The following SAMD4B variants were observed in gnomAD, a reference collection of about 807,000 sequenced individuals.
SAMD4B encodes the protein protein Smaug homolog 2.
Under a neutral mutation model 74.5 loss-of-function variants are expected in SAMD4B, and 5 were observed. The observed-to-expected ratio is 0.07, with a 90% CI of 0.04 to 0.14. The LOEUF (loss-of-function observed/expected upper bound fraction) is 0.14. Among genes scored for constraint, SAMD4B ranks in the 10% least tolerant of loss-of-function variants. The pLI is 1.00. For missense variants in SAMD4B, 608 were observed against 921.8 expected, an observed-to-expected ratio of 0.66 and a Z score of 4.41; for synonymous variants, 373 against 374.9, an observed-to-expected ratio of 1.00 and a Z score of 0.06.
intron 3 of SAMD4B, among the ~76,000 whole-genome samples, chr19:39,364,589 G>A (rs2076845611): frequency 1.3e-5 from 2 of 152,194 alleles, no homozygotes; most frequent in South Asian, 4.2e-4. Context: ...TTGACTTTCT[G>A]TCCCTAATGG....
chr19:39,356,616 C>G (rs1193287116), intron 2 of SAMD4B, 73 bp from the exon 3 acceptor site: 4 of 305,236 alleles, frequency 1.3e-5, no homozygotes, highest in Non-Finnish European at 2.4e-5. Context: ...GGCCTTCATG[C>G]CCCCTCAACC....
chr19:39,370,192 G>C (rs2077203332), intron 4 of SAMD4B, 67 bp downstream of exon 4: 1 of 1,414,068 alleles, frequency 7.1e-7, no homozygotes, highest in Admixed American at 2.0e-5. Flanking sequence ...CTCAGTGAGA[G>C]CTCTCTCGCT....
At chr19:39,381,164 C>T in intron 12 of SAMD4B, 51 bp downstream of exon 12, 1 of 1,528,542 alleles carries the variant, frequency 6.5e-7, no homozygotes, top group Non-Finnish European at 8.8e-7. Flanking sequence ...CTCAGCTGAC[C>T]TTTCTTTTTT....
chr19:39,381,196 G>A, intron 12 of SAMD4B, 83 bp downstream of exon 12: 1 of 1,478,940 alleles, frequency 6.8e-7, no homozygotes, highest in Non-Finnish European at 9.1e-7. Flanking sequence ...CATGTCCACT[G>A]TTCTTCTAGA....
chr19:39,378,356 A>C lies in SAMD4B; in HGVS notation c.1445-148A>C. On this transcript the variant is annotated intron_variant, in intron 8 of 13. Coordinates refer to ENST00000610417, the MANE Select transcript of SAMD4B (RefSeq NM_001384574.2). This position sits in a 1 kb window ranked among gnomAD's most constrained non-coding sequence, Gnocchi z 4.4. Reference sequence around the variant, plus strand: ...GCACTATGTTGTATATCCTCATGATAACCCAAATACCATGGCTAGCACTTA... The same window carrying C: ...GCACTATGTTGTATATCCTCATGATCACCCAAATACCATGGCTAGCACTTA... 1 of 646,346 alleles carries C rather than the reference A, an allele frequency of 1.5e-6. No individual in the cohort carries two copies. The highest frequency in any genetic ancestry group is 1.9e-5 in the South Asian group (1 of 53,300). 40.0% of individuals were successfully genotyped at this position (646,346 alleles called of 1,614,324 possible). A position where few individuals can be genotyped will look rare whatever the true frequency, so the allele number is the denominator to read the frequency against.
At position 39,344,479 on chromosome 19, in the gene SAMD4B, C is replaced by T. The variant is rs140169085; in HGVS notation, c.-267+1903C>T. Reference sequence around the variant, plus strand: ...AATTTTCTCCCAAATTGCCCTCCATCAGCCACCCACTCCCAGCGCTTCCTG... The same window carrying T: ...AATTTTCTCCCAAATTGCCCTCCATTAGCCACCCACTCCCAGCGCTTCCTG... On this transcript the variant is annotated intron_variant, in intron 1 of 13. Coordinates refer to ENST00000610417, the MANE Select transcript of SAMD4B (RefSeq NM_001384574.2). 2.6e-3 allele frequency among the ~76,000 whole-genome samples: 398 copies of T among 152,318 alleles called. 3 individuals are homozygous for T. The highest frequency in any genetic ancestry group is 9.3e-3 in the African/African-American group (385 of 41,570).
At chr19:39,380,845 G>A in intron 11 of SAMD4B, 60 bp downstream of exon 11, 3 of 1,507,766 alleles carry the variant, frequency 2.0e-6, no homozygotes, top group Non-Finnish European at 2.7e-6. Context: ...TACCTGGGAT[G>A]TCTATTTGCC....
intron 1 of SAMD4B, among the ~76,000 whole-genome samples, chr19:39,352,720 A>T (rs1317897423): frequency 1.3e-5 from 2 of 151,096 alleles, no homozygotes; most frequent in Non-Finnish European, 2.9e-5. Flanking sequence ...CTGGGGGGAA[A>T]AGCTGGATTA....
In SAMD4B at chr19:39,342,504, C is replaced by G; in HGVS notation, c.-339C>G. On this transcript the variant is annotated 5_prime_UTR_variant, in exon 1 of 14. Transcript: ENST00000610417. ...GAGGAGGGAGGGGAGCTTGCGGGCC[C>G]GAGAGGGGGCGACGGCGGCGGCGGT... 5.7e-6 allele frequency: 1 copy of G among 173,932 alleles called. No homozygotes were observed. The highest frequency in any genetic ancestry group is 1.2e-5 in the Non-Finnish European group (1 of 85,096). The allele number at this position is 173,932 out of a possible 1,614,324, so 10.8% of individuals were successfully genotyped here.
At position 39,378,530 on chromosome 19, in the gene SAMD4B, C is replaced by A; in HGVS notation, c.1471C>A (p.Pro491Thr). The A allele has an allele frequency of 6.2e-7, 1 of 1,614,068 alleles. No homozygotes were observed. Among genetic ancestry groups the A allele is most frequent in the Non-Finnish European group, 8.5e-7 (1 of 1,179,982 alleles). The change falls in exon 9 of 14, where the codon CCA becomes ACA. Residue 491 changes from proline to threonine, a missense_variant. Transcript: ENST00000610417. The surrounding 1 kb of genome is among the most constrained non-coding windows in gnomAD (Gnocchi z 4.4). ...GTGCACCCAACTGCTGGTGTCCCGA[C>A]CAGACGAGGAGAACATCACCAGTTA... ...KVCTQLLVSR[P>T]DEENITSYLQ...
intron 3 of SAMD4B, among the ~76,000 whole-genome samples, chr19:39,366,809 G>A (rs1166714041): frequency 2.0e-5 from 3 of 151,988 alleles, no homozygotes; most frequent in East Asian, 1.9e-4. Flanking sequence ...CCTTGGAATC[G>A]TAAAGGCCTA....
chr19:39,379,910 G>T, intron 9 of SAMD4B, 56 bp from the exon 10 acceptor site: 1 of 1,373,830 alleles, frequency 7.3e-7, no homozygotes, highest in South Asian at 1.2e-5. Flanking sequence ...AGACTGGAAG[G>T]GAGGTCTGAA....
chr19:39,377,100 C>T (rs2077646080), intron 7 of SAMD4B, among the ~76,000 whole-genome samples: 1 of 152,194 alleles, frequency 6.6e-6, no homozygotes, highest in Non-Finnish European at 1.5e-5. Context: ...GTGTCTCTGT[C>T]TGTACAATCT....
chr19:39,366,505 C>A (rs181793036), intron 3 of SAMD4B, among the ~76,000 whole-genome samples: 75 of 152,296 alleles, frequency 4.9e-4, no homozygotes, highest in Admixed American at 2.2e-3. Flanking sequence ...GGTGTTCTCT[C>A]TTGGAAGCTT....
downstream of SAMD4B, chr19:39,388,784 TCTC>T: frequency 6.2e-7 from 1 of 1,614,032 alleles, no homozygotes; most frequent in Non-Finnish European, 8.5e-7. Context: ...TGAGACATCA[TCTC>T]CAACGCAGCT....
chr19:39,386,439 C>T (rs1394941669), downstream of SAMD4B: 6 of 1,613,984 alleles, frequency 3.7e-6, no homozygotes, highest in Non-Finnish European at 4.2e-6. This position sits in a 1 kb window ranked among gnomAD's most constrained non-coding sequence, Gnocchi z 6.1. Flanking sequence ...ACCCACTTTT[C>T]CACCCTCCCA....
downstream of SAMD4B, chr19:39,387,277 A>G: frequency 2.8e-6 from 1 of 352,732 alleles, no homozygotes. Flanking sequence ...CTAAACATAG[A>G]AAAGGTATAG....
chr19:39,383,609 G>A lies in SAMD4B; in HGVS notation c.*82G>A, dbSNP rs971827942. Reference sequence around the variant, plus strand: ...CCCCAACGGGCTTCTCCGCGACAGCGAGAGGGTGGGCTGGCTCAGCTATAT... The same window carrying A: ...CCCCAACGGGCTTCTCCGCGACAGCAAGAGGGTGGGCTGGCTCAGCTATAT... On this transcript the variant is annotated 3_prime_UTR_variant, in exon 14 of 14. Transcript: ENST00000610417. The surrounding 1 kb of genome is among the most constrained non-coding windows in gnomAD (Gnocchi z 4.1). 1.8e-5 allele frequency: 29 copies of A among 1,613,552 alleles called. No individual in the cohort carries two copies. Among genetic ancestry groups the A allele is most frequent in the African/African-American group, 1.2e-4 (9 of 74,932 alleles).
At chr19:39,386,368 CCTT>C (rs1555726819), downstream of SAMD4B, 4 of 1,614,072 alleles carry the variant, frequency 2.5e-6, no homozygotes, top group African/African-American at 1.3e-5. This position sits in a 1 kb window ranked among gnomAD's most constrained non-coding sequence, Gnocchi z 6.1. Context: ...TCACTGCCCT[CCTT>C]CTCACTGCTG....
Sources: gnomAD v4.1 joint callset for allele counts (sites outside exome capture counted in the v4.1 genomes callset) on GRCh38, gnomAD v4.1.1 for gene constraint, Gnocchi (gnomAD v3.1) non-coding constraint, MANE v1.5 for transcripts, NCBI Gene and HGNC (gene_info 2026-07-23, HGNC 2026-07-21) for gene names.